STK17B: variants seen among roughly 807,000 people sequenced by gnomAD.
The protein encoded by STK17B is serine/threonine-protein kinase 17B.
A neutral mutation model predicts 42.0 loss-of-function variants in STK17B; 21 were observed. The ratio of observed to expected loss-of-function variants is 0.50; its 90% CI spans 0.35 to 0.72. STK17B has a LOEUF of 0.72. Among genes scored for constraint, STK17B ranks in the 30% least tolerant of loss-of-function variants. STK17B has a pLI of 0.00. For synonymous variants in STK17B, 143 were observed against 148.4 expected (o/e 0.96, Z 0.26); for missense variants, 349 against 446.0 (o/e 0.78, Z 1.96).
rs534125051 is a variant in STK17B, at chr2:196,145,974, A to T, written c.417T>A (p.Ile139=). Residue 139 remains isoleucine, a synonymous_variant, in exon 4 of 8, where the codon ATT becomes ATA. Transcript: ENST00000263955. The stretch of plus-strand genomic sequence containing the variant: ...AATAAACTCCTTCAAGTATTTGTTT[A>T]ATGAGTCTGATAACATCATTTTCAG... The part of the protein sequence containing the change: ...MVSENDVIRL[I]KQILEGVYYL... 6.2e-7 allele frequency: 1 copy of T among 1,607,686 alleles called. No homozygotes were observed. The highest frequency in any genetic ancestry group is 1.7e-5 in the Admixed American group (1 of 57,958).
At chr2:196,161,351 T>G (rs941263068) in intron 2 of STK17B, among the ~76,000 whole-genome samples, 3 of 152,078 alleles carry the variant, frequency 2.0e-5, no homozygotes, top group African/African-American at 7.2e-5. Flanking sequence ...AATTAAGATT[T>G]AGAACAATTT....
chr2:196,169,883 T>C (rs1410660874), intron 1 of STK17B, among the ~76,000 whole-genome samples: 12 of 146,964 alleles, frequency 8.2e-5, no homozygotes, highest in Non-Finnish European at 1.6e-4. Flanking sequence ...TTTGGATCCC[T>C]ACTTTAGAAA....
intron 3 of STK17B, chr2:196,151,534 G>A (rs1699666287): frequency 6.6e-6 from 1 of 152,142 alleles, no homozygotes; most frequent in South Asian, 2.1e-4. Context: ...TCCAGCCAAA[G>A]GTAAGTATTT....
At chr2:196,145,627 A>C (rs1699562033) in intron 4 of STK17B, among the ~76,000 whole-genome samples, 1 of 152,204 alleles carries the variant, frequency 6.6e-6, no homozygotes, top group Admixed American at 6.5e-5. Flanking sequence ...ATGTGGTTGT[A>C]AGAGTGGGAT....
At chr2:196,152,253 T>C (rs1348672611) in intron 3 of STK17B, among the ~76,000 whole-genome samples, 1 of 152,128 alleles carries the variant, frequency 6.6e-6, no homozygotes, top group East Asian at 1.9e-4. Context: ...ACTACAGGCA[T>C]GCGCCAACAC....
chr2:196,171,775 A>C (rs1575191187), upstream of STK17B, among the ~76,000 whole-genome samples: 43 of 98,274 alleles, frequency 4.4e-4, no homozygotes, highest in South Asian at 0.014. Flanking sequence ...CGGGGCGGGG[A>C]GGCGCGGCGG....
intron 7 of STK17B, among the ~76,000 whole-genome samples, chr2:196,139,265 T>C (rs1699457261): frequency 6.6e-6 from 1 of 152,178 alleles, no homozygotes; most frequent in African/African-American, 2.4e-5. Flanking sequence ...CGCCCGGCCG[T>C]AAAATCATTA....
intron 3 of STK17B, among the ~76,000 whole-genome samples, chr2:196,152,152 C>G (rs4850667): frequency 0.59 from 88,478 of 150,984 alleles, 26,730 homozygotes; most frequent in East Asian, 0.9. Context: ...TATTGCCCAG[C>G]CTGGCGCGTA....
chr2:196,150,796 G>A (rs529536216), intron 3 of STK17B, among the ~76,000 whole-genome samples: 66 of 152,206 alleles, frequency 4.3e-4, no homozygotes, highest in African/African-American at 1.4e-3. Context: ...CTATGCTAAT[G>A]GGAGAAACAA....
upstream of STK17B, among the ~76,000 whole-genome samples, chr2:196,176,012 T>G (rs2105725113): frequency 6.6e-6 from 1 of 152,330 alleles, no homozygotes; most frequent in African/African-American, 2.4e-5. Context: ...AATCCTAAGA[T>G]ATTATTTAAG....
intron 6 of STK17B, among the ~76,000 whole-genome samples, chr2:196,140,165 A>G (rs1218046208): frequency 1.3e-5 from 2 of 152,248 alleles, no homozygotes; most frequent in African/African-American, 4.8e-5. Context: ...TTCTGCACAA[A>G]TAGAGGCTGC....
intron 1 of STK17B, among the ~76,000 whole-genome samples, chr2:196,170,585 G>A (rs1236679797): frequency 1.3e-5 from 2 of 152,170 alleles, no homozygotes; most frequent in Admixed American, 6.5e-5. Context: ...TCCCTCGGAG[G>A]AAATTCAAAT....
chr2:196,144,730 TTAC>T (rs1699547348), intron 4 of STK17B, among the ~76,000 whole-genome samples: 1 of 152,136 alleles, frequency 6.6e-6, no homozygotes, highest in South Asian at 2.1e-4. Flanking sequence ...TGACTTTGCT[TTAC>T]TACTACTGCA....
At chr2:196,167,652 ACT>A (rs1428594783) in intron 1 of STK17B, among the ~76,000 whole-genome samples, 3 of 152,244 alleles carry the variant, frequency 2.0e-5, no homozygotes, top group Admixed American at 6.5e-5. Context: ...TGTTTTTACC[ACT>A]GTTTCCAGAC....
At chr2:196,152,687 T>G (rs1044751325) in intron 3 of STK17B, among the ~76,000 whole-genome samples, 2 of 152,182 alleles carry the variant, frequency 1.3e-5, no homozygotes, top group African/African-American at 4.8e-5. Flanking sequence ...GAATATATTC[T>G]TAAGTAAACA....
intron 2 of STK17B, among the ~76,000 whole-genome samples, chr2:196,162,189 T>A (rs1699819599): frequency 6.6e-6 from 1 of 152,238 alleles, no homozygotes; most frequent in African/African-American, 2.4e-5. Flanking sequence ...ATATCTTTTA[T>A]AACTTTTCAT....
At chr2:196,141,060 T>C (rs191979437) in intron 6 of STK17B, among the ~76,000 whole-genome samples, 189 bp downstream of exon 6, 2 of 152,366 alleles carry the variant, frequency 1.3e-5, no homozygotes, top group Admixed American at 6.5e-5. Flanking sequence ...TCTGTACTTT[T>C]GGCTCAGAAG....
At chr2:196,156,724 AT>A in intron 2 of STK17B, 73 bp from the exon 3 acceptor site, 3 of 1,138,682 alleles carry the variant, frequency 2.6e-6, no homozygotes, top group Non-Finnish European at 3.8e-6. Context: ...AGATTCTGTT[AT>A]ACCTCCAACT....
At chr2:196,145,409 G>A (rs1476475008) in intron 4 of STK17B, among the ~76,000 whole-genome samples, 1 of 152,156 alleles carries the variant, frequency 6.6e-6, no homozygotes, top group African/African-American at 2.4e-5. Flanking sequence ...CAACATGAGA[G>A]ATGGAGATAA....
Sources: gnomAD v4.1 joint callset for allele counts (sites outside exome capture counted in the v4.1 genomes callset) on GRCh38, gnomAD v4.1.1 for gene constraint, MANE v1.5 for transcripts, NCBI Gene and HGNC (gene_info 2026-07-23, HGNC 2026-07-21) for gene names.